Variants in ZMYND8 observed in about 807,000 individuals in gnomAD.
ZMYND8 encodes the protein MYND-type zinc finger-containing chromatin reader ZMYND8.
A neutral mutation model predicts 140.8 loss-of-function variants in ZMYND8; 37 were observed. That is an observed-to-expected ratio of 0.26 (90% CI 0.20 to 0.35). The LOEUF is 0.35. Ranked by LOEUF, ZMYND8 falls within the 10% of genes least tolerant of loss-of-function variation. The pLI is 1.00. For synonymous variants in ZMYND8, 592 were observed against 597.1 expected (o/e 0.99, Z 0.12); for missense variants, 1,068 against 1,570.0 (o/e 0.68, Z 5.40).
At chr20:47,219,442 C>T (rs1490879953) in intron 21 of ZMYND8, among the ~76,000 whole-genome samples, 1 of 151,356 alleles carries the variant, frequency 6.6e-6, no homozygotes, top group African/African-American at 2.4e-5. Flanking sequence ...AGGAGAATCA[C>T]TTGAGCCTGG....
intron 12 of ZMYND8, among the ~76,000 whole-genome samples, chr20:47,257,976 G>A (rs1325056263): frequency 6.6e-6 from 1 of 152,124 alleles, no homozygotes; most frequent in African/African-American, 2.4e-5. Context: ...TCCTGCCTCA[G>A]CCTCCCAACG....
At chr20:47,262,562 T>C (rs938472161) in intron 11 of ZMYND8, 134 bp from the exon 12 acceptor site, 1 of 1,220,646 alleles carries the variant, frequency 8.2e-7, no homozygotes, top group Non-Finnish European at 1.1e-6. Context: ...GTATCACGAA[T>C]GGGGTGGGGT....
intron 2 of ZMYND8, chr20:47,319,537 C>A: frequency 6.0e-6 from 1 of 165,380 alleles, no homozygotes; most frequent in Non-Finnish European, 1.3e-5. Context: ...ACACAGCCTC[C>A]TCCACCCTTC....
intron 2 of ZMYND8, among the ~76,000 whole-genome samples, chr20:47,344,198 G>A (rs185853087): frequency 9.2e-5 from 14 of 151,798 alleles, no homozygotes; most frequent in Non-Finnish European, 1.5e-4. Flanking sequence ...GGATGGTCTC[G>A]AACTCTTGAC....
intron 1 of ZMYND8, chr20:47,355,602 C>T (rs2083162701): frequency 1.4e-5 from 9 of 627,672 alleles, no homozygotes; most frequent in Non-Finnish European, 1.8e-5. Context: ...AACCCAACAA[C>T]TGAATATGGA....
chr20:47,295,494 T>A (rs1424962960), intron 4 of ZMYND8, among the ~76,000 whole-genome samples: 1 of 152,226 alleles, frequency 6.6e-6, no homozygotes, highest in African/African-American at 2.4e-5. Flanking sequence ...CTGATCCTCT[T>A]AAGGTTCTGG....
chr20:47,239,821 G>C (rs1331738994), intron 14 of ZMYND8, among the ~76,000 whole-genome samples: 1 of 152,186 alleles, frequency 6.6e-6, no homozygotes, highest in Non-Finnish European at 1.5e-5. Flanking sequence ...CTTTGGTTTT[G>C]ATTGGATTTA....
At chr20:47,252,180 G>A (rs750061664) in intron 12 of ZMYND8, among the ~76,000 whole-genome samples, 4 of 150,710 alleles carry the variant, frequency 2.7e-5, no homozygotes, top group Non-Finnish European at 4.4e-5. Context: ...TGTAATCCCC[G>A]GTACTCAGGA....
intron 17 of ZMYND8, 23 bp from the exon 18 acceptor site, chr20:47,227,304 C>T: frequency 6.2e-7 from 1 of 1,613,112 alleles, no homozygotes; most frequent in Non-Finnish European, 8.5e-7. Context: ...GAGTGAGCGT[C>T]TTCAAAAGCT....
chr20:47,256,758 A>G (rs1017040653), intron 12 of ZMYND8, among the ~76,000 whole-genome samples: 1 of 152,200 alleles, frequency 6.6e-6, no homozygotes, highest in African/African-American at 2.4e-5. Flanking sequence ...GCTCTCAAAG[A>G]AAGCCCGACT....
rs1296481349 is a variant in ZMYND8, at chr20:47,276,527, T to C, written c.1267A>G (p.Met423Val). 3 of 1,613,938 alleles carry C rather than the reference T, an allele frequency of 1.9e-6. No homozygotes were observed. The highest frequency in any genetic ancestry group is 1.1e-5 in the South Asian group (1 of 91,080). ...ATCAGGATCTTGGGGGATGCCGTCA[T>C]GTCAAAGTTGAGCTTGACCTTCTCC... ...KQEKVKLNFDMTASPKILMSK... is the reference protein window; with the variant it reads ...KQEKVKLNFDVTASPKILMSK... The change falls in exon 11 of 23, where the codon ATG (methionine) becomes GTG (valine). Residue 423 changes from methionine to valine, a missense_variant. Coordinates refer to ENST00000471951, the MANE Select transcript of ZMYND8 (RefSeq NM_001281775.3).
At chr20:47,230,695 T>C (rs991772970) in intron 16 of ZMYND8, among the ~76,000 whole-genome samples, 2 of 152,230 alleles carry the variant, frequency 1.3e-5, no homozygotes, top group African/African-American at 4.8e-5. Context: ...TATATGCATA[T>C]ACTATACCAT....
chr20:47,238,183 T>C (rs1196408614), intron 15 of ZMYND8: 1 of 154,924 alleles, frequency 6.5e-6, no homozygotes, highest in Non-Finnish European at 1.4e-5. Context: ...AACTATGAAA[T>C]ACTATGCAGC....
At position 47,276,365 on chromosome 20, in the gene ZMYND8, TCGACGTGGC is replaced by T. The variant is rs1399357836; in HGVS notation, c.1420_1428del (p.Ala474_Ser476del). The stretch of plus-strand genomic sequence containing the variant: ...GACTCCTCGCTCGCACTGAAGTGGC[TCGACGTGGC>T]CTTCTTCTCAGCATCCTGCTCCACG... On this transcript the variant is annotated inframe_deletion, in exon 11 of 23. Transcript: ENST00000471951. 6.2e-7 allele frequency: 1 copy of T among 1,601,816 alleles called. No homozygotes were observed. Among genetic ancestry groups the T allele is most frequent in the Non-Finnish European group, 8.5e-7 (1 of 1,170,466 alleles).
chr20:47,271,694 C>T (rs905592897), intron 11 of ZMYND8, among the ~76,000 whole-genome samples: 2 of 152,096 alleles, frequency 1.3e-5, no homozygotes, highest in Admixed American at 6.6e-5. Context: ...ATTGACTGAT[C>T]GATTGAGATG....
chr20:47,342,779 G>A (rs1244138610), intron 2 of ZMYND8, among the ~76,000 whole-genome samples: 1 of 150,556 alleles, frequency 6.6e-6, no homozygotes, highest in Non-Finnish European at 1.5e-5. Context: ...ACTAGGAGGT[G>A]GAAGTCACAG....
chr20:47,318,979 A>G (rs1362461803), intron 2 of ZMYND8: 1 of 1,351,612 alleles, frequency 7.4e-7, no homozygotes, highest in South Asian at 1.1e-5. Context: ...GGCTGCTCAG[A>G]GGGCCTAGCC....
At chr20:47,341,461 G>A (rs895250121) in intron 2 of ZMYND8, among the ~76,000 whole-genome samples, 7 of 151,410 alleles carry the variant, frequency 4.6e-5, no homozygotes, top group African/African-American at 7.3e-5. Flanking sequence ...TGGGAGGCAG[G>A]GGTTGCAGTT....
At chr20:47,219,540 C>A (rs763460193) in intron 21 of ZMYND8, among the ~76,000 whole-genome samples, 10 of 138,370 alleles carry the variant, frequency 7.2e-5, no homozygotes, top group Non-Finnish European at 1.6e-4. Flanking sequence ...AAAAAAAAAT[C>A]ATCATCAGGC....
Sources: gnomAD v4.1 joint callset for allele counts (sites outside exome capture counted in the v4.1 genomes callset) on GRCh38, gnomAD v4.1.1 for gene constraint, MANE v1.5 for transcripts, NCBI Gene and HGNC (gene_info 2026-07-23, HGNC 2026-07-21) for gene names.